The following RARB variants were observed in gnomAD, a reference collection of about 807,000 sequenced individuals.
RARB encodes the protein retinoic acid receptor beta, also known as HBV-activated protein.
RARB carries 17 observed loss-of-function variants against 51.9 expected under a neutral mutation model. The observed-to-expected ratio is 0.33, with a 90% CI of 0.22 to 0.49. RARB has a LOEUF of 0.49. RARB is among the 20% of genes least tolerant of loss of function. RARB has a pLI of 0.99. For synonymous variants in RARB, 215 were observed against 195.4 expected (o/e 1.10, Z -0.84); for missense variants, 369 against 550.8 (o/e 0.67, Z 3.30).
chr3:25,512,273 C>G (rs1479077671), intron 3 of RARB, among the ~76,000 whole-genome samples: 1 of 152,184 alleles, frequency 6.6e-6, no homozygotes, highest in Non-Finnish European at 1.5e-5. Flanking sequence ...ACAGCTAATG[C>G]TCCTTCCGAC....
chr3:25,274,204 C>T (rs774543781), intron 5 of RARB, among the ~76,000 whole-genome samples: 1 of 152,180 alleles, frequency 6.6e-6, no homozygotes, highest in Non-Finnish European at 1.5e-5. Flanking sequence ...ATGATTTAAA[C>T]ACGAAGCCTG....
intron 5 of RARB, among the ~76,000 whole-genome samples, chr3:25,585,184 C>A (rs186246338): frequency 2.5e-4 from 38 of 152,262 alleles, no homozygotes; most frequent in African/African-American, 8.9e-4. Flanking sequence ...CTCTAGAAAG[C>A]ATGAAATGAA....
At chr3:25,041,371 T>C (rs780728325) in intron 2 of RARB, among the ~76,000 whole-genome samples, 2 of 152,142 alleles carry the variant, frequency 1.3e-5, no homozygotes, top group Admixed American at 6.5e-5. Flanking sequence ...TTCGAATCCA[T>C]CTTTAAGAAT....
At chr3:25,173,824 A>G (rs1345909263) in intron 4 of RARB, among the ~76,000 whole-genome samples, 4 of 152,246 alleles carry the variant, frequency 2.6e-5, no homozygotes, top group African/African-American at 4.8e-5. Context: ...CATGTAATGT[A>G]TCAAGTCGTT....
chr3:25,463,628 A>G (rs531934135), intron 2 of RARB, among the ~76,000 whole-genome samples: 3 of 151,090 alleles, frequency 2.0e-5, no homozygotes, highest in East Asian at 3.9e-4. Flanking sequence ...GCGCCACTGG[A>G]CTCCAGCCTG....
At chr3:24,891,721 TA>T (rs1272746914) in intron 2 of RARB, among the ~76,000 whole-genome samples, 2 of 152,138 alleles carry the variant, frequency 1.3e-5, no homozygotes, top group Non-Finnish European at 2.9e-5. Flanking sequence ...CCAACTATTT[TA>T]TGGCCTGTCA....
chr3:24,999,278 C>G (rs940088441), intron 2 of RARB, among the ~76,000 whole-genome samples: 2 of 152,130 alleles, frequency 1.3e-5, no homozygotes, highest in African/African-American at 4.8e-5. Flanking sequence ...ATAAATCTCA[C>G]CTTTGCCACA....
intron 2 of RARB, among the ~76,000 whole-genome samples, chr3:24,890,568 G>T (rs1703358625): frequency 1.3e-5 from 2 of 152,164 alleles, no homozygotes; most frequent in African/African-American, 4.8e-5. Flanking sequence ...GGGGAGGGTA[G>T]AAAGATCCCA....
At chr3:25,586,111 G>C (rs184348570) in intron 5 of RARB, among the ~76,000 whole-genome samples, 1 of 152,008 alleles carries the variant, frequency 6.6e-6, no homozygotes, top group African/African-American at 2.4e-5. Context: ...GCACTGCCTC[G>C]AGCCTCAGTC....
At chr3:25,101,819 T>A (rs1357282803) in intron 3 of RARB, among the ~76,000 whole-genome samples, 9 of 152,098 alleles carry the variant, frequency 5.9e-5, no homozygotes, top group Admixed American at 5.9e-4. Flanking sequence ...TGTATGAGGA[T>A]CCCTGCTTCC....
intron 5 of RARB, among the ~76,000 whole-genome samples, chr3:25,410,966 G>A (rs1317841529): frequency 6.6e-6 from 1 of 152,178 alleles, no homozygotes; most frequent in Admixed American, 6.5e-5. Flanking sequence ...CCTTACAGAA[G>A]CATTTGAAAC....
chr3:25,098,790 T>C (rs1699347322), intron 3 of RARB, among the ~76,000 whole-genome samples: 1 of 152,200 alleles, frequency 6.6e-6, no homozygotes, highest in South Asian at 2.1e-4. Context: ...AATATTAGCA[T>C]GTGTTTGTTA....
At chr3:25,241,825 C>T (rs772957205) in intron 5 of RARB, among the ~76,000 whole-genome samples, 1 of 152,036 alleles carries the variant, frequency 6.6e-6, no homozygotes, top group Non-Finnish European at 1.5e-5. Flanking sequence ...GGGTATATAC[C>T]CAGTAATGGG....
At chr3:25,231,826 T>G (rs1460920069) in intron 5 of RARB, among the ~76,000 whole-genome samples, 1 of 152,178 alleles carries the variant, frequency 6.6e-6, no homozygotes, top group Non-Finnish European at 1.5e-5. Context: ...TTTTCAGAGA[T>G]AAAACTTGCA....
intron 2 of RARB, among the ~76,000 whole-genome samples, chr3:24,967,073 T>G (rs916811762): frequency 3.9e-5 from 6 of 152,172 alleles, no homozygotes; most frequent in African/African-American, 1.2e-4. Flanking sequence ...ATACATATAC[T>G]TCGAAAGTCA....
At chr3:25,316,382 C>G (rs1704425521) in intron 5 of RARB, among the ~76,000 whole-genome samples, 1 of 150,650 alleles carries the variant, frequency 6.6e-6, no homozygotes, top group South Asian at 2.1e-4. Flanking sequence ...TGCAATAAGG[C>G]CAAATTATTA....
intron 3 of RARB, among the ~76,000 whole-genome samples, chr3:25,525,585 T>A (rs967310520): frequency 6.6e-6 from 1 of 152,194 alleles, no homozygotes; most frequent in Non-Finnish European, 1.5e-5. Context: ...TTGTGTGCTG[T>A]TTTGGATGAA....
intron 2 of RARB, among the ~76,000 whole-genome samples, chr3:24,893,715 G>A (rs2125366038): frequency 6.6e-6 from 1 of 151,740 alleles, no homozygotes; most frequent in South Asian, 2.1e-4. Flanking sequence ...TGTAGAGATG[G>A]GGTCTCACTA....
At chr3:25,499,527 T>G (rs755316579) in intron 2 of RARB, among the ~76,000 whole-genome samples, 1 of 152,162 alleles carries the variant, frequency 6.6e-6, no homozygotes, top group Admixed American at 6.5e-5. Flanking sequence ...AAAGAGGAAG[T>G]TGGGGACCCT....
Sources: gnomAD v4.1 joint callset for allele counts (sites outside exome capture counted in the v4.1 genomes callset) on GRCh38, gnomAD v4.1.1 for gene constraint, MANE v1.5 for transcripts, NCBI Gene and HGNC (gene_info 2026-07-23, HGNC 2026-07-21) for gene names.